Variants in SYNPR observed in about 807,000 individuals in gnomAD.
The protein encoded by SYNPR is synaptoporin.
In SYNPR, 23 loss-of-function variants were observed where a neutral mutation model predicts 32.9. That is an observed-to-expected ratio of 0.70 (90% CI 0.50 to 0.99). SYNPR has a LOEUF of 0.99. Ranked by LOEUF, SYNPR falls within the 50% of genes least tolerant of loss-of-function variation. SYNPR has a pLI of 0.00. For missense variants in SYNPR, 318 were observed against 349.3 expected (o/e 0.91, Z 0.71); for synonymous variants, 146 against 135.9 (o/e 1.07, Z -0.52).
rs564537659 is a variant in SYNPR at position 63,255,340 on chromosome 3, G to C, written n.154+2754G>C. On this transcript the variant is annotated intron_variant and non_coding_transcript_variant, in intron 2 of 4. Coordinates refer to the SYNPR transcript ENST00000478456. ...TCTGGGACATAATGATTGGGTGGCA[G>C]ATGTACTAAGATATTGATGATCCTT... Among the ~76,000 whole-genome samples the C allele has an allele frequency of 8.0e-4, 122 of 152,290 alleles. 1 individual carries two copies. The highest frequency in any genetic ancestry group is 2.8e-3 in the Admixed American group (43 of 15,300).
At chr3:63,286,016 G>C (rs368856956) in intron 2 of SYNPR, among the ~76,000 whole-genome samples, 1 of 152,162 alleles carries the variant, frequency 6.6e-6, no homozygotes, top group Non-Finnish European at 1.5e-5. Context: ...GGAAATTACA[G>C]ATAACTTTTT....
At position 63,609,803 on chromosome 3, in the gene SYNPR, G is replaced by A. The variant is rs145700751; in HGVS notation, c.600+487G>A. ...CTCATGCCTATAGTCCCAGCTACTC[G>A]GAAGGCTGAGGCATGAGAATCGCTT... On this transcript the variant is annotated intron_variant, in intron 5 of 5. Transcript: ENST00000478300. 2.6e-5 allele frequency among the ~76,000 whole-genome samples: 4 copies of A among 152,170 alleles called. No individual in the cohort carries two copies. In the East Asian group the frequency reaches 5.8e-4, roughly 22 times the overall value.
At chr3:63,580,085 A>G (rs1419348797) in intron 4 of SYNPR, among the ~76,000 whole-genome samples, 1 of 152,172 alleles carries the variant, frequency 6.6e-6, no homozygotes, top group Non-Finnish European at 1.5e-5. Context: ...TCATATTGAG[A>G]ACCAAAGAAG....
At chr3:63,523,739 T>C in intron 3 of SYNPR, among the ~76,000 whole-genome samples, 1 of 152,180 alleles carries the variant, frequency 6.6e-6, no homozygotes, top group Middle Eastern at 3.2e-3. Flanking sequence ...TTTGTTTGTT[T>C]GTTTTGCATG....
chr3:63,248,071 C>T (rs77433835), intron 1 of SYNPR, among the ~76,000 whole-genome samples: 1 of 152,108 alleles, frequency 6.6e-6, no homozygotes. Context: ...AGGTGATGCA[C>T]AGAGGGGCCT....
intron 2 of SYNPR, among the ~76,000 whole-genome samples, chr3:63,388,112 T>C (rs1187158575): frequency 2.0e-5 from 3 of 152,096 alleles, no homozygotes; most frequent in South Asian, 2.1e-4. Context: ...TGAACTTGGG[T>C]ACCCATTATC....
At position 63,606,417 on chromosome 3, in the gene SYNPR, CT is replaced by C. The variant is rs61299069; in HGVS notation, c.409-2686del. On this transcript the variant is annotated intron_variant, in intron 4 of 5. Coordinates refer to ENST00000478300, the MANE Select transcript of SYNPR (RefSeq NM_001130003.2). ...AATTAAGCAGGACCTCAAATCCTTTCTTTTTTTTTTTTTTTTTTTTTTAGCA... is the reference window on the plus strand; with the variant it reads ...AATTAAGCAGGACCTCAAATCCTTTCTTTTTTTTTTTTTTTTTTTTTAGCA... Among the ~76,000 whole-genome samples, 31 of 68,300 alleles carry C rather than the reference CT, an allele frequency of 4.5e-4. 1 individual carries two copies. Among genetic ancestry groups the C allele is most frequent in the South Asian group, 2.1e-3 (3 of 1,438 alleles). 44.8% of individuals were successfully genotyped at this position (68,300 alleles called of 152,430 possible). A position where few individuals can be genotyped will look rare whatever the true frequency, so the allele number is the denominator to read the frequency against.
At chr3:63,572,713 T>C (rs1207015883) in intron 4 of SYNPR, among the ~76,000 whole-genome samples, 2 of 152,232 alleles carry the variant, frequency 1.3e-5, no homozygotes, top group East Asian at 3.9e-4. Context: ...ATTAGAAAGG[T>C]TCTATTAAAT....
At chr3:63,445,187 C>G (rs1468261902) in intron 2 of SYNPR, among the ~76,000 whole-genome samples, 2 of 152,142 alleles carry the variant, frequency 1.3e-5, no homozygotes, top group African/African-American at 2.4e-5. Flanking sequence ...TTATCATCAT[C>G]TGAAGCTATT....
At chr3:63,435,027 T>A (rs1700056168) in intron 2 of SYNPR, among the ~76,000 whole-genome samples, 1 of 152,192 alleles carries the variant, frequency 6.6e-6, no homozygotes, top group African/African-American at 2.4e-5. Context: ...ATTATATCTA[T>A]CACCAGAAAT....
At chr3:63,376,609 AT>A (rs1245036435) in intron 2 of SYNPR, among the ~76,000 whole-genome samples, 1 of 151,924 alleles carries the variant, frequency 6.6e-6, no homozygotes, top group Non-Finnish European at 1.5e-5. Flanking sequence ...CTCCCAAGAT[AT>A]TCACGTGATT....
intron 2 of SYNPR, among the ~76,000 whole-genome samples, chr3:63,348,040 T>C (rs183969481): frequency 2.7e-4 from 41 of 152,232 alleles, no homozygotes; most frequent in Admixed American, 2.5e-3. Flanking sequence ...AGGTATCTTT[T>C]TGATGTAATG....
rs554336121 is a variant in SYNPR at position 63,355,313 on chromosome 3, A to G, written c.84+76571A>G. Among the ~76,000 whole-genome samples, 68 of 151,138 alleles carry G rather than the reference A, an allele frequency of 4.5e-4. 1 individual carries two copies. Among genetic ancestry groups the G allele is most frequent in the African/African-American group, 1.4e-3 (58 of 41,084 alleles). Reference sequence around the variant, plus strand: ...AAAAAGTCCCAGGGCAATTGATTCGATTTCACCCAATGTTTGACATCAGAG... The same window carrying G: ...AAAAAGTCCCAGGGCAATTGATTCGGTTTCACCCAATGTTTGACATCAGAG... On this transcript the variant is annotated intron_variant, in intron 2 of 5. Coordinates refer to ENST00000478300, the MANE Select transcript of SYNPR (RefSeq NM_001130003.2).
intron 2 of SYNPR, among the ~76,000 whole-genome samples, chr3:63,478,575 C>T (rs1288362748): frequency 6.6e-6 from 1 of 152,152 alleles, no homozygotes; most frequent in African/African-American, 2.4e-5. Flanking sequence ...ACAATCCCTT[C>T]TTACTTTTAT....
At chr3:63,478,377 T>C (rs191898159) in intron 2 of SYNPR, among the ~76,000 whole-genome samples, 2 of 152,344 alleles carry the variant, frequency 1.3e-5, no homozygotes, top group East Asian at 3.9e-4. Flanking sequence ...TTTTAACGTC[T>C]CAAGGATTTT....
chr3:63,442,352 G>A (rs1456598598), intron 2 of SYNPR, among the ~76,000 whole-genome samples: 1 of 152,164 alleles, frequency 6.6e-6, no homozygotes, highest in Non-Finnish European at 1.5e-5. Context: ...CAGCCTATGT[G>A]CATTTCAACA....
At chr3:63,587,857 C>T (rs1000305663) in intron 4 of SYNPR, among the ~76,000 whole-genome samples, 7 of 152,004 alleles carry the variant, frequency 4.6e-5, no homozygotes, top group African/African-American at 9.7e-5. Context: ...GGGATCCTCC[C>T]GTCTCAGCTT....
intron 2 of SYNPR, among the ~76,000 whole-genome samples, chr3:63,357,765 T>C (rs560734456): frequency 6.6e-6 from 1 of 152,266 alleles, no homozygotes; most frequent in African/African-American, 2.4e-5. Flanking sequence ...ATTAGTCTAT[T>C]TGAGGCCCAG....
chr3:63,484,867 A>G (rs1437092762), intron 3 of SYNPR, among the ~76,000 whole-genome samples: 1 of 152,224 alleles, frequency 6.6e-6, no homozygotes, highest in African/African-American at 2.4e-5. Flanking sequence ...TATCAAGGAC[A>G]AAAGTGATAA....
Sources: allele counts gnomAD v4.1 joint callset (sites outside exome capture counted in the v4.1 genomes callset), GRCh38; gene constraint gnomAD v4.1.1; transcripts MANE v1.5; gene names NCBI Gene and HGNC (gene_info 2026-07-23, HGNC 2026-07-21).